XRCC4: variants seen among roughly 807,000 people sequenced by gnomAD.
The protein encoded by XRCC4 is DNA repair protein XRCC4.
Under a neutral mutation model 39.1 loss-of-function variants are expected in XRCC4, and 28 were observed. The ratio of observed to expected loss-of-function variants is 0.72; its 90% CI spans 0.53 to 0.98. The LOEUF is 0.98. Among genes scored for constraint, XRCC4 ranks in the 50% least tolerant of loss-of-function variants. The pLI is 0.00. For missense variants in XRCC4, 350 were observed against 376.4 expected (o/e 0.93, Z 0.58); for synonymous variants, 123 against 126.4 (o/e 0.97, Z 0.18).
chr5:83,145,661 C>T (rs1305713422), intron 3 of XRCC4, among the ~76,000 whole-genome samples: 1 of 152,210 alleles, frequency 6.6e-6, no homozygotes, highest in Non-Finnish European at 1.5e-5. Context: ...GTCTTCCTCA[C>T]TTTTCAAGTG....
chr5:83,288,387 G>C (rs148995888), intron 7 of XRCC4, among the ~76,000 whole-genome samples: 1 of 151,896 alleles, frequency 6.6e-6, no homozygotes, highest in African/African-American at 2.4e-5. Context: ...CTCCAATAAT[G>C]CATTTGTCTT....
chr5:83,181,961 CA>C (rs1246540184), intron 3 of XRCC4, among the ~76,000 whole-genome samples: 3 of 151,074 alleles, frequency 2.0e-5, no homozygotes, highest in Admixed American at 6.6e-5. Flanking sequence ...CTGGGAGAGC[CA>C]AAACAAGTAG....
chr5:83,132,141 G>A (rs1044589346), intron 3 of XRCC4, among the ~76,000 whole-genome samples: 2 of 151,998 alleles, frequency 1.3e-5, no homozygotes, highest in African/African-American at 4.8e-5. Context: ...CACTTATGAA[G>A]CTTAGTTTGG....
intron 6 of XRCC4, among the ~76,000 whole-genome samples, chr5:83,235,996 G>T (rs954712985): frequency 1.3e-5 from 2 of 151,824 alleles, no homozygotes; most frequent in African/African-American, 4.8e-5. Context: ...AAAATGCTAG[G>T]AATAGACCTA....
At chr5:83,271,338 C>T (rs755263563) in intron 7 of XRCC4, among the ~76,000 whole-genome samples, 6 of 151,962 alleles carry the variant, frequency 3.9e-5, no homozygotes, top group Non-Finnish European at 8.8e-5. Context: ...TAATTATACG[C>T]CCATTTGAAT....
chr5:83,335,607 G>A (rs76006005), intron 7 of XRCC4, among the ~76,000 whole-genome samples: 2,831 of 152,042 alleles, frequency 0.019, 81 homozygotes, highest in African/African-American at 0.064. Context: ...TAGATTGTGA[G>A]ATTTTCAAGG....
At chr5:83,234,158 C>A (rs911639591) in intron 6 of XRCC4, among the ~76,000 whole-genome samples, 1 of 152,060 alleles carries the variant, frequency 6.6e-6, no homozygotes, top group African/African-American at 2.4e-5. Context: ...TTAAGGCCTA[C>A]CTTTTGCTTT....
At chr5:83,365,700 A>G in the XRCC4 span, among the ~76,000 whole-genome samples, 1 of 152,226 alleles carries the variant, frequency 6.6e-6, no homozygotes, top group Admixed American at 6.5e-5. Context: ...GATTCATTAC[A>G]AATTTCATTA....
In XRCC4 at chr5:83,147,038, C is replaced by G. The variant is rs563033015; in HGVS notation, c.315+35835C>G. ...CTTTTAATTCTGGCCACAAATTACA[C>G]TCGTTCTGTGGCCTTTGACAAATAC... On this transcript the variant is annotated intron_variant, in intron 3 of 7. Coordinates refer to ENST00000396027, the MANE Select transcript of XRCC4 (RefSeq NM_003401.5). 3.3e-5 allele frequency among the ~76,000 whole-genome samples: 5 copies of G among 152,172 alleles called. No individual in the cohort carries two copies. In the South Asian group the frequency reaches 1.0e-3, roughly 31 times the overall value.
chr5:83,258,320 T>C (rs1198571685), intron 6 of XRCC4, among the ~76,000 whole-genome samples: 2 of 152,176 alleles, frequency 1.3e-5, no homozygotes, highest in East Asian at 1.9e-4. Context: ...AATTATTCCG[T>C]GTGTACAATA....
At chr5:83,267,096 G>A (rs1462068332) in intron 7 of XRCC4, among the ~76,000 whole-genome samples, 1 of 152,104 alleles carries the variant, frequency 6.6e-6, no homozygotes, top group Non-Finnish European at 1.5e-5. Flanking sequence ...AAATTTCAGA[G>A]GAAAGAGAGT....
Position 83,146,815 on chromosome 5 carries a change from T to C in XRCC4, c.315+35612T>C, listed in dbSNP as rs187399336. ...CTTATTTTTCTGTATGTTTTCTTTT[T>C]CCCCGAGTCCAGAAAGCCTGAATTT... is the stretch of plus-strand genomic sequence containing the variant. On this transcript the variant is annotated intron_variant, in intron 3 of 7. Coordinates refer to ENST00000396027, the MANE Select transcript of XRCC4 (RefSeq NM_003401.5). Among the ~76,000 whole-genome samples the C allele has an allele frequency of 3.5e-4, 54 of 152,346 alleles. 1 individual carries two copies. The East Asian group carries it at 9.8e-3, about 28-fold the overall frequency.
chr5:83,127,243 G>T (rs115976623), intron 3 of XRCC4, among the ~76,000 whole-genome samples: 1 of 152,018 alleles, frequency 6.6e-6, no homozygotes, highest in South Asian at 2.1e-4. Context: ...ATTTGTGTGT[G>T]GAAAACTTAA....
intron 1 of XRCC4, among the ~76,000 whole-genome samples, chr5:83,090,751 G>A (rs1745389378): frequency 6.6e-6 from 1 of 152,150 alleles, no homozygotes; most frequent in South Asian, 2.1e-4. Context: ...TTCCTTATGA[G>A]TAACAAAAAC....
intron 4 of XRCC4, chr5:83,202,054 A>AAC (rs1751225151): frequency 6.6e-6 from 1 of 151,766 alleles, no homozygotes; most frequent in Non-Finnish European, 1.5e-5. Flanking sequence ...AAAAAAAAAA[A>AAC]AACAAAAAAC....
chr5:83,132,842 C>T lies in XRCC4; in HGVS notation c.315+21639C>T, dbSNP rs536544053. On this transcript the variant is annotated intron_variant, in intron 3 of 7. Transcript: ENST00000396027. Reference sequence around the variant, plus strand: ...TGGATTCAAACATCCTCCTTTAGCTCGGAGAAGTTTGTTATGACCGATCAT... The same window carrying T: ...TGGATTCAAACATCCTCCTTTAGCTTGGAGAAGTTTGTTATGACCGATCAT... Among the ~76,000 whole-genome samples, 22 of 152,198 alleles carry T rather than the reference C, an allele frequency of 1.4e-4. No individual in the cohort carries two copies. In the South Asian group the frequency reaches 2.1e-3, roughly 14 times the overall value.
intron 3 of XRCC4, among the ~76,000 whole-genome samples, chr5:83,131,216 T>C (rs938658907): frequency 6.6e-6 from 1 of 152,196 alleles, no homozygotes. Flanking sequence ...TCTGCCTTCA[T>C]TTTGTTATTT....
chr5:83,140,426 C>T (rs1748112924), intron 3 of XRCC4, among the ~76,000 whole-genome samples: 1 of 152,136 alleles, frequency 6.6e-6, no homozygotes, highest in African/African-American at 2.4e-5. Context: ...GCAGCTTATC[C>T]CACCTTTCTC....
chr5:83,144,267 C>CTGTGTG (rs56769195), intron 3 of XRCC4, among the ~76,000 whole-genome samples: 28,500 of 139,870 alleles, frequency 0.2, 3,123 homozygotes, highest in South Asian at 0.3. Context: ...TAATATTCCT[C>CTGTGTG]TGTGTGTGTG....
Sources: allele counts gnomAD v4.1 joint callset (sites outside exome capture counted in the v4.1 genomes callset), GRCh38; gene constraint gnomAD v4.1.1; transcripts MANE v1.5; gene names NCBI Gene and HGNC (gene_info 2026-07-23, HGNC 2026-07-21).